UTP20: variants seen among roughly 807,000 people sequenced by gnomAD.
The protein encoded by UTP20 is UTP20 small subunit processome component.
In UTP20, 164 loss-of-function variants were observed where a neutral mutation model predicts 329.5. The observed-to-expected ratio is 0.50, with a 90% CI of 0.44 to 0.57. The LOEUF (loss-of-function observed/expected upper bound fraction) is 0.57, where lower values mean the gene tolerates loss of function less well. Among genes scored for constraint, UTP20 ranks in the 20% least tolerant of loss-of-function variants. The probability of loss-of-function intolerance (pLI) is 0.00; values close to 1 mark genes in which losing one functional copy is unlikely to be tolerated. For synonymous variants in UTP20, 1,151 were observed against 1,159.3 expected, an observed-to-expected ratio of 0.99 and a Z score of 0.14; for missense variants, 3,055 against 3,284.2, an observed-to-expected ratio of 0.93 and a Z score of 1.71.
At chr12:101,334,910 C>T (rs1868883888) in intron 29 of UTP20, among the ~76,000 whole-genome samples, 1 of 151,058 alleles carries the variant, frequency 6.6e-6, no homozygotes, top group Non-Finnish European at 1.5e-5. Context: ...AAAGTTGAGG[C>T]TACAATGAGC....
chr12:101,290,776 C>A lies in UTP20; in HGVS notation c.779C>A (p.Thr260Lys), dbSNP rs774622092. 3.7e-6 allele frequency: 6 copies of A among 1,613,508 alleles called. No individual in the cohort carries two copies. Among genetic ancestry groups the A allele is most frequent in the Non-Finnish European group, 5.1e-6 (6 of 1,179,758 alleles). ...CGAAAGCTAGGACCAGTCACTGAAA[C>A]AGAAACTCAACTACCATGGATGTTA... The part of the protein sequence containing the change: ...ILRKLGPVTE[T>K]ETQLPWMLIG... The change falls in exon 8 of 62, where the codon ACA becomes AAA. Residue 260 changes from threonine to lysine, a missense_variant. By Grantham distance (78) the Thr-to-Lys change is moderately conservative. Around this residue, in one of 3 missense-constraint regions of UTP20, gnomAD observed 2,445 missense variants for 2,575.5 expected, o/e 0.95. Coordinates refer to ENST00000261637, the MANE Select transcript of UTP20 (RefSeq NM_014503.3).
chr12:101,317,618 A>C lies in UTP20; in HGVS notation c.2693A>C (p.Gln898Pro). Residue 898 changes from glutamine to proline, a missense_variant, in exon 22 of 62, where the codon CAA (glutamine) becomes CCA (proline). Gln to Pro is a moderately conservative substitution (Grantham distance 76). This residue lies in a region of UTP20 where 2,445 missense variants were observed against 2,575.5 expected (regional missense o/e 0.95). Transcript: ENST00000261637. ...DEELEEEAVP[Q>P]DESSQKKKTR... ...GAGTTGGAGGAAGAGGCAGTGCCCCAAGATGAATCCTCACAGAAGAAAAAG... is the reference window on the plus strand; with the variant it reads ...GAGTTGGAGGAAGAGGCAGTGCCCCCAGATGAATCCTCACAGAAGAAAAAG... 1.9e-6 allele frequency: 3 copies of C among 1,613,900 alleles called. No individual in the cohort carries two copies. The South Asian group carries it at 3.3e-5, about 18-fold the overall frequency.
rs1042013395 is a variant in UTP20, at chr12:101,386,346, C to T, written c.*223C>T. ...CTCAGCCTCCCAAGTAGTTGTGCCT[C>T]CTAGGCACACAACACTATGCCCGGC... On this transcript the variant is annotated 3_prime_UTR_variant, in exon 62 of 62. Transcript: ENST00000261637. The T allele has an allele frequency of 2.5e-6, 1 of 405,122 alleles. No individual in the cohort carries two copies. The highest frequency in any genetic ancestry group is 2.1e-5 in the African/African-American group (1 of 47,836). 25.1% of individuals were successfully genotyped at this position (405,122 alleles called of 1,614,324 possible).
At chr12:101,356,040 A>G (rs1593446544) in intron 41 of UTP20, among the ~76,000 whole-genome samples, 1 of 152,358 alleles carries the variant, frequency 6.6e-6, no homozygotes, top group Admixed American at 6.5e-5. Context: ...TAATTTTTAA[A>G]GGGTTATCCT....
At chr12:101,334,735 T>C (rs1020224160) in intron 29 of UTP20, among the ~76,000 whole-genome samples, 5 of 152,198 alleles carry the variant, frequency 3.3e-5, no homozygotes, top group Non-Finnish European at 7.3e-5. Flanking sequence ...CCCAGTACTT[T>C]GGGAGGCAGA....
chr12:101,319,766 T>G, intron 23 of UTP20, 131 bp downstream of exon 23: 1 of 628,540 alleles, frequency 1.6e-6, no homozygotes, highest in Non-Finnish European at 2.5e-6. Flanking sequence ...ATTAAAGCCT[T>G]TTTTTTTTTA....
chr12:101,361,884 T>G, intron 43 of UTP20, 78 bp from the exon 44 acceptor site: 1 of 1,108,864 alleles, frequency 9.0e-7, no homozygotes, highest in Non-Finnish European at 1.4e-6. Context: ...GTGTTCTCTT[T>G]GCAGTGCTTC....
chr12:101,363,743 G>A lies in UTP20; in HGVS notation c.5958G>A (p.Glu1986=), dbSNP rs1209694154. 6.3e-7 allele frequency: 1 copy of A among 1,587,832 alleles called. No homozygotes were observed. Among genetic ancestry groups the A allele is most frequent in the African/African-American group, 1.3e-5 (1 of 74,342 alleles). The part of the protein sequence containing the change: ...QVTKLILPLK[E]ILQNTTSLKL... Reference sequence around the variant, plus strand: ...CAAAACTCATCCTTCCATTAAAAGAGGTAAGGACGTAAATGCAATTCTGGA... The same window carrying A: ...CAAAACTCATCCTTCCATTAAAAGAAGTAAGGACGTAAATGCAATTCTGGA... Residue 1986 remains glutamate, a splice_region_variant and synonymous_variant, in exon 45 of 62, where the codon GAG becomes GAA. Transcript: ENST00000261637.
intron 41 of UTP20, among the ~76,000 whole-genome samples, chr12:101,355,619 A>G (rs900282633): frequency 2.0e-5 from 3 of 152,194 alleles, no homozygotes; most frequent in Non-Finnish European, 4.4e-5. Context: ...GAACACAATT[A>G]TCCACTTGTT....
Position 101,291,844 on chromosome 12 carries a change from C to G in UTP20, c.994C>G (p.His332Asp), listed in dbSNP as rs769219972. ...LLETYLILVK[H>D]GSGTKIPTPA... ...GGAAACATACCTTATACTTGTAAAA[C>G]ATGGAAGTGGGACAAAGATACCCAC... is the stretch of plus-strand genomic sequence containing the variant. Residue 332 changes from histidine (H) to aspartate (D), a missense_variant, in exon 9 of 62, where the codon CAT becomes GAT. His to Asp is a moderately conservative substitution (Grantham distance 81). This residue lies in a region of UTP20 where 2,445 missense variants were observed against 2,575.5 expected (regional missense o/e 0.95). Coordinates refer to ENST00000261637, the MANE Select transcript of UTP20 (RefSeq NM_014503.3). 1 of 1,613,842 alleles carries G rather than the reference C, an allele frequency of 6.2e-7. No homozygotes were observed. Among genetic ancestry groups the G allele is most frequent in the Non-Finnish European group, 8.5e-7 (1 of 1,179,902 alleles).
At chr12:101,282,695 G>A (rs1871840992) in intron 2 of UTP20, among the ~76,000 whole-genome samples, 1 of 152,212 alleles carries the variant, frequency 6.6e-6, no homozygotes, top group African/African-American at 2.4e-5. Context: ...GAGCAGGACT[G>A]CAGTTCTTCA....
rs533658264 is a variant in UTP20, at chr12:101,353,031, CTTTT to C, written c.5025-9_5025-6del. Reference sequence around the variant, plus strand: ...ATAATCAAATGAACATTTCTGTATACTTTTTTTTTTAACAGTTTGCTAGTAATAG... The same window carrying C: ...ATAATCAAATGAACATTTCTGTATACTTTTTTAACAGTTTGCTAGTAATAG... On this transcript the variant is annotated splice_polypyrimidine_tract_variant and intron_variant, in intron 39 of 61. Transcript: ENST00000261637. 164 of 1,342,488 alleles carry C rather than the reference CTTTT, an allele frequency of 1.2e-4. No individual in the cohort carries two copies. The highest frequency in any genetic ancestry group is 1.6e-4 in the Non-Finnish European group (154 of 986,398). 83.2% of individuals were successfully genotyped at this position (1,342,488 alleles called of 1,614,324 possible).
intron 11 of UTP20, among the ~76,000 whole-genome samples, chr12:101,295,118 C>T (rs559874644): frequency 8.2e-4 from 125 of 152,138 alleles, no homozygotes; most frequent in Middle Eastern, 3.4e-3. Context: ...TCCTGGGTTC[C>T]GTGTTCTCTT....
chr12:101,377,718 A>G (rs1024849123), intron 56 of UTP20, among the ~76,000 whole-genome samples: 6 of 152,150 alleles, frequency 3.9e-5, no homozygotes, highest in Admixed American at 2.6e-4. Context: ...AGTGGTGGTC[A>G]CTGGAGAGGG....
Position 101,291,540 on chromosome 12 carries a change from C to CG in UTP20, c.892-202_892-201insG, listed in dbSNP as rs1555197535. 752 of 77,172 alleles carry CG rather than the reference C, an allele frequency of 9.7e-3. 8 individuals are homozygous for CG. Among genetic ancestry groups the CG allele is most frequent in the African/African-American group, 0.04 (704 of 17,506 alleles). 4.8% of individuals were successfully genotyped at this position (77,172 alleles called of 1,614,324 possible). On this transcript the variant is annotated intron_variant, in intron 8 of 61. Transcript: ENST00000261637. ...GGGCAATAAGAGTGAAACTCCATCT[C>CG]AAAAAAAAAAAAAAAAAAAAAAGAC...
Position 101,362,034 on chromosome 12 carries a change from G to C in UTP20, c.5764G>C (p.Asp1922His), listed in dbSNP as rs1175125950. The C allele has an allele frequency of 1.9e-6, 3 of 1,613,390 alleles. No homozygotes were observed. Among genetic ancestry groups the C allele is most frequent in the Middle Eastern group, 1.7e-4 (1 of 6,054 alleles). Reference sequence around the variant, plus strand: ...CAATAAGCTGCAGGTCGGAGATTTGGACTCTTGTTTAGATATAATGATTGA... The same window carrying C: ...CAATAAGCTGCAGGTCGGAGATTTGCACTCTTGTTTAGATATAATGATTGA... ...LTNKLQVGDL[D>H]SCLDIMIEIF... The change falls in exon 44 of 62, where the codon GAC becomes CAC. Residue 1922 changes from aspartate (D) to histidine (H), a missense_variant. Coordinates refer to ENST00000261637, the MANE Select transcript of UTP20 (RefSeq NM_014503.3).
In UTP20 at chr12:101,348,739, GTTTTT is replaced by G. The variant is rs35417344; in HGVS notation, c.4884+2166_4884+2170del. On this transcript the variant is annotated intron_variant, in intron 38 of 61. Transcript: ENST00000261637. ...TTTGTGTGTATGTGAGTTTTTGGTG[GTTTTT>G]TTTTTTTTTTTTTTGGAGAGACAGG... Among the ~76,000 whole-genome samples the G allele has an allele frequency of 9.2e-5, 9 of 97,318 alleles. 1 individual carries two copies. In the Admixed American group the frequency reaches 1.2e-3, roughly 13 times the overall value. The allele number at this position is 97,318 out of a possible 152,430, so 63.8% of individuals were successfully genotyped here.
At chr12:101,340,684 T>A (rs1038813911) in intron 32 of UTP20, 74 bp downstream of exon 32, 1 of 896,682 alleles carries the variant, frequency 1.1e-6, no homozygotes, top group Non-Finnish European at 1.8e-6. Context: ...CGAGCAGCAA[T>A]TTTACTGGCT....
At chr12:101,349,704 G>C (rs1162179098) in intron 38 of UTP20, among the ~76,000 whole-genome samples, 1 of 152,132 alleles carries the variant, frequency 6.6e-6, no homozygotes, top group Admixed American at 6.5e-5. Context: ...GCCTCCCAAA[G>C]TGTTGGGATT....
Sources: allele counts gnomAD v4.1 joint callset (sites outside exome capture counted in the v4.1 genomes callset), GRCh38; gene constraint gnomAD v4.1.1; regional missense constraint gnomAD v4.1.1; transcripts MANE v1.5; gene names NCBI Gene and HGNC (gene_info 2026-07-23, HGNC 2026-07-21).